Variants in DAAM1 observed in about 807,000 individuals in gnomAD.
The protein encoded by DAAM1 is dishevelled associated activator of morphogenesis 1.
DAAM1 carries 52 observed loss-of-function variants against 130.0 expected under a neutral mutation model. The ratio of observed to expected loss-of-function variants is 0.40; its 90% confidence interval spans 0.32 to 0.50. The LOEUF (loss-of-function observed/expected upper bound fraction) is 0.50, where lower values mean the gene tolerates loss of function less well. DAAM1 is among the 20% of genes least tolerant of loss of function. The pLI is 0.61. For missense variants in DAAM1, 1,134 were observed against 1,303.8 expected (o/e 0.87, Z 2.01); for synonymous variants, 452 against 444.5 (o/e 1.02, Z -0.21).
chr14:59,360,959 C>G, intron 22 of DAAM1, 97 bp downstream of exon 22: 1 of 1,002,208 alleles, frequency 1.0e-6, no homozygotes, highest in Non-Finnish European at 1.5e-6. Context: ...ATGTGGTATG[C>G]CCGGGATAAA....
At chr14:59,327,812 C>T (rs1033319440) in intron 12 of DAAM1, among the ~76,000 whole-genome samples, 7 of 152,092 alleles carry the variant, frequency 4.6e-5, no homozygotes, top group African/African-American at 1.4e-4. Flanking sequence ...ATATGTGTTA[C>T]GAAACATTAG....
intron 16 of DAAM1, among the ~76,000 whole-genome samples, chr14:59,345,924 A>T (rs140957116): frequency 2.0e-5 from 3 of 152,312 alleles, no homozygotes; most frequent in African/African-American, 7.2e-5. Flanking sequence ...TAATTACCAT[A>T]CTAAGCACTG....
In DAAM1 at chr14:59,370,144, C is replaced by CTTTTTTTTTTTTT. The variant is rs398025271; in HGVS notation, c.*1299_*1311dup. 8 of 95,376 alleles carry CTTTTTTTTTTTTT rather than the reference C, an allele frequency of 8.4e-5. No homozygotes were observed. The highest frequency in any genetic ancestry group is 4.6e-4 in the South Asian group (1 of 2,186). 5.9% of individuals were successfully genotyped at this position (95,376 alleles called of 1,614,324 possible). On this transcript the variant is annotated 3_prime_UTR_variant, in exon 25 of 25. Transcript: ENST00000360909. The stretch of plus-strand genomic sequence containing the variant: ...TATAAAGAGGACTGTTACTTTTTTA[C>CTTTTTTTTTTTTT]TTTTTTTTTTTTTTTTTTTTTTTTT...
chr14:59,343,822 G>C (rs1216811828), intron 16 of DAAM1, among the ~76,000 whole-genome samples: 1 of 152,160 alleles, frequency 6.6e-6, no homozygotes, highest in African/African-American at 2.4e-5. Flanking sequence ...ATCATTCGAA[G>C]CTCTCAGAAA....
chr14:59,308,507 C>T (rs79382065), intron 3 of DAAM1, among the ~76,000 whole-genome samples: 3,600 of 151,992 alleles, frequency 0.024, 228 homozygotes, highest in Admixed American at 0.13. Context: ...ATTCAGTGTC[C>T]GGTGAATTTT....
intron 4 of DAAM1, among the ~76,000 whole-genome samples, chr14:59,319,840 A>G (rs1884937871): frequency 6.6e-6 from 1 of 152,164 alleles, no homozygotes; most frequent in South Asian, 2.1e-4. Context: ...ACCAGGCTCC[A>G]TAGTTTAACA....
At chr14:59,304,366 A>G (rs534333744) in intron 3 of DAAM1, among the ~76,000 whole-genome samples, 1 of 152,296 alleles carries the variant, frequency 6.6e-6, no homozygotes, top group African/African-American at 2.4e-5. Flanking sequence ...GAGTAGAGAG[A>G]AGCTTTGAGC....
At chr14:59,343,864 G>C (rs1594837399) in intron 16 of DAAM1, among the ~76,000 whole-genome samples, 1 of 152,262 alleles carries the variant, frequency 6.6e-6, no homozygotes, top group South Asian at 2.1e-4. Context: ...ATTTGAATGG[G>C]GAGCTCCAGG....
chr14:59,235,439 T>A (rs2139452111), intron 1 of DAAM1, among the ~76,000 whole-genome samples: 1 of 152,332 alleles, frequency 6.6e-6, no homozygotes, highest in East Asian at 1.9e-4. Context: ...ATAGAGGTGT[T>A]TATAGTATTC....
At chr14:59,307,643 A>G (rs760477442) in intron 3 of DAAM1, among the ~76,000 whole-genome samples, 40 of 152,212 alleles carry the variant, frequency 2.6e-4, no homozygotes, top group Non-Finnish European at 5.0e-4. Context: ...TTCTACCTGC[A>G]TAAACCAAAG....
chr14:59,291,303 A>G lies in DAAM1; in HGVS notation c.270A>G (p.Lys90=). ...AATGGCAAATATACTGTAGCAAGAAAAAGGTAAGATTTTCATTGTGATTAT... is the reference window on the plus strand; with the variant it reads ...AATGGCAAATATACTGTAGCAAGAAGAAGGTAAGATTTTCATTGTGATTAT... ...EKKWQIYCSK[K]KDQEENKGAT... Residue 90 remains lysine, a synonymous_variant, in exon 3 of 25, where the codon AAA becomes AAG. Transcript: ENST00000360909. 6.2e-7 allele frequency: 1 copy of G among 1,603,498 alleles called. No individual in the cohort carries two copies. Among genetic ancestry groups the G allele is most frequent in the South Asian group, 1.1e-5 (1 of 88,216 alleles).
At chr14:59,305,475 A>C (rs1455371576) in intron 3 of DAAM1, among the ~76,000 whole-genome samples, 1 of 152,226 alleles carries the variant, frequency 6.6e-6, no homozygotes, top group Admixed American at 6.5e-5. Context: ...TGCCAAAATA[A>C]TGACTTGTTA....
At chr14:59,253,752 T>C (rs556809422) in intron 1 of DAAM1, among the ~76,000 whole-genome samples, 1 of 152,302 alleles carries the variant, frequency 6.6e-6, no homozygotes, top group South Asian at 2.1e-4. Context: ...CTGTGAGGGC[T>C]GGGAGCAGTA....
At chr14:59,361,072 A>C (rs1886687199) in intron 22 of DAAM1, among the ~76,000 whole-genome samples, 1 of 152,170 alleles carries the variant, frequency 6.6e-6, no homozygotes, top group Non-Finnish European at 1.5e-5. Context: ...TGGATAAGTC[A>C]CTGCAGCAGG....
intron 1 of DAAM1, among the ~76,000 whole-genome samples, chr14:59,188,997 A>C (rs1161697628): frequency 6.6e-6 from 1 of 152,132 alleles, no homozygotes; most frequent in Non-Finnish European, 1.5e-5. Flanking sequence ...TGGGGGTGGG[A>C]AAATGGCTGC....
intron 1 of DAAM1, among the ~76,000 whole-genome samples, chr14:59,257,022 G>A (rs1345769803): frequency 6.6e-6 from 1 of 152,208 alleles, no homozygotes; most frequent in African/African-American, 2.4e-5. Flanking sequence ...GCACCAGCTA[G>A]TTTGGCCAGA....
intron 4 of DAAM1, among the ~76,000 whole-genome samples, chr14:59,320,225 A>AT (rs1409090290): frequency 2.6e-5 from 4 of 152,202 alleles, no homozygotes; most frequent in Non-Finnish European, 5.9e-5. Context: ...GTTCAGTCTT[A>AT]TTTCTATCAA....
At chr14:59,307,752 A>G (rs529452331) in intron 3 of DAAM1, among the ~76,000 whole-genome samples, 36 of 152,312 alleles carry the variant, frequency 2.4e-4, no homozygotes, top group African/African-American at 8.7e-4. Context: ...ATGGTTATAC[A>G]GGAGAATAGT....
rs550975710 is a variant in DAAM1, at chr14:59,189,475, G to A, written c.-38+707G>A. ...GGACCCGGTTGTGAGGCACCGCAGA[G>A]GGCTTTTGCCGCCCGTCCCTCTCGG... On this transcript the variant is annotated intron_variant, in intron 1 of 24. Coordinates refer to ENST00000360909, the MANE Select transcript of DAAM1 (RefSeq NM_001270520.2). 6.6e-5 allele frequency among the ~76,000 whole-genome samples: 10 copies of A among 152,292 alleles called. No homozygotes were observed. In the South Asian group the frequency reaches 1.9e-3, roughly 28 times the overall value.
Sources: gnomAD v4.1 joint callset for allele counts (sites outside exome capture counted in the v4.1 genomes callset) on GRCh38, gnomAD v4.1.1 for gene constraint, MANE v1.5 for transcripts, NCBI Gene and HGNC (gene_info 2026-07-23, HGNC 2026-07-21) for gene names.